The following TENM2 variants were observed in gnomAD, a reference collection of about 807,000 sequenced individuals.
TENM2 encodes teneurin-2.
A neutral mutation model predicts 245.2 loss-of-function variants in TENM2; 52 were observed. The observed-to-expected ratio is 0.21, with a 90% CI of 0.17 to 0.27. The LOEUF (loss-of-function observed/expected upper bound fraction) is 0.27, where lower values mean the gene tolerates loss of function less well. TENM2 is among the 10% of genes least tolerant of loss of function. The pLI is 1.00. For missense variants in TENM2, 3,046 were observed against 3,666.8 expected, an observed-to-expected ratio of 0.83 and a Z score of 4.37; for synonymous variants, 1,363 against 1,438.9, an observed-to-expected ratio of 0.95 and a Z score of 1.19.
chr5:168,065,824 C>G (rs1370527306), intron 7 of TENM2, among the ~76,000 whole-genome samples: 1 of 150,022 alleles, frequency 6.7e-6, no homozygotes, highest in Non-Finnish European at 1.5e-5. Flanking sequence ...AAAAAAGAAC[C>G]TAGAATAATG....
chr5:167,879,660 T>C (rs1334208621), intron 3 of TENM2, among the ~76,000 whole-genome samples: 1 of 152,138 alleles, frequency 6.6e-6, no homozygotes, highest in Non-Finnish European at 1.5e-5. Flanking sequence ...CCTCTACCTG[T>C]GAAACATTGA....
chr5:168,062,513 A>G (rs927163158), intron 7 of TENM2, among the ~76,000 whole-genome samples: 1 of 152,196 alleles, frequency 6.6e-6, no homozygotes, highest in African/African-American at 2.4e-5. Flanking sequence ...GTGATTGAGC[A>G]ATTCCACTTC....
At chr5:168,025,127 A>G (rs75053845) in intron 5 of TENM2, among the ~76,000 whole-genome samples, 9,344 of 152,310 alleles carry the variant, frequency 0.061, 629 homozygotes, top group African/African-American at 0.16. Context: ...GTGTAAATTT[A>G]CCACTTGGGA....
At chr5:167,712,501 A>C (rs768973725) in intron 2 of TENM2, among the ~76,000 whole-genome samples, 1 of 152,242 alleles carries the variant, frequency 6.6e-6, no homozygotes, top group African/African-American at 2.4e-5. Context: ...GTCATTTTAC[A>C]AAATTCCTAT....
intron 3 of TENM2, among the ~76,000 whole-genome samples, chr5:167,941,889 G>T (rs1393401101): frequency 6.7e-6 from 1 of 148,816 alleles, no homozygotes. Flanking sequence ...AAATCACAGG[G>T]TCTGTGTCAC....
intron 5 of TENM2, among the ~76,000 whole-genome samples, chr5:168,015,021 C>T (rs138965832): frequency 6.6e-6 from 1 of 152,312 alleles, no homozygotes; most frequent in African/African-American, 2.4e-5. Context: ...GCTAAACAAG[C>T]CTGTAACTGA....
chr5:167,358,758 A>G (rs952835665), intron 1 of TENM2, among the ~76,000 whole-genome samples: 3 of 150,812 alleles, frequency 2.0e-5, no homozygotes, highest in Non-Finnish European at 4.4e-5. Flanking sequence ...TATATGTCAA[A>G]CACCCAAAGT....
At chr5:167,956,943 T>G (rs2151865056) in intron 4 of TENM2, among the ~76,000 whole-genome samples, 1 of 152,282 alleles carries the variant, frequency 6.6e-6, no homozygotes, top group South Asian at 2.1e-4. Context: ...CTTTTTTTGT[T>G]GTGTCTTTGC....
At chr5:167,052,605 A>T in the TENM2 span, among the ~76,000 whole-genome samples, 2 of 152,172 alleles carry the variant, frequency 1.3e-5, no homozygotes, top group African/African-American at 4.8e-5. Context: ...TCTGTGAGAG[A>T]GCATAAAGTC....
At chr5:167,007,889 G>T in the TENM2 span, among the ~76,000 whole-genome samples, 1 of 152,112 alleles carries the variant, frequency 6.6e-6, no homozygotes, top group Non-Finnish European at 1.5e-5. The surrounding 1 kb of genome is among the most constrained non-coding windows in gnomAD (Gnocchi z 4.2). Context: ...TTGCTTGGGG[G>T]CAGCCTGGAA....
intron 1 of TENM2, among the ~76,000 whole-genome samples, chr5:167,322,060 G>A (rs1756783357): frequency 6.6e-6 from 1 of 151,782 alleles, no homozygotes; most frequent in African/African-American, 2.4e-5. Context: ...TTGAACTCCT[G>A]ACCTCAAGTG....
intron 9 of TENM2, among the ~76,000 whole-genome samples, chr5:168,109,646 A>C (rs1055754184): frequency 3.9e-5 from 6 of 152,242 alleles, no homozygotes; most frequent in Non-Finnish European, 7.3e-5. Flanking sequence ...CCAAATGCTC[A>C]GGCCTCACGC....
intron 2 of TENM2, among the ~76,000 whole-genome samples, chr5:167,408,145 A>G (rs912315609): frequency 6.6e-6 from 1 of 152,160 alleles, no homozygotes; most frequent in African/African-American, 2.4e-5. Flanking sequence ...AAAACCAAAC[A>G]TATCAGAGAC....
At chr5:168,040,095 C>T (rs995072813) in intron 5 of TENM2, among the ~76,000 whole-genome samples, 1 of 152,208 alleles carries the variant, frequency 6.6e-6, no homozygotes, top group African/African-American at 2.4e-5. Context: ...ACACTGCTCC[C>T]TGATCCCAGA....
chr5:167,694,116 C>T (rs1224024268), intron 2 of TENM2, among the ~76,000 whole-genome samples: 1 of 152,212 alleles, frequency 6.6e-6, no homozygotes, highest in Non-Finnish European at 1.5e-5. Context: ...CCTAAATCGA[C>T]ATCTTGCTTG....
the TENM2 span, among the ~76,000 whole-genome samples, chr5:167,217,698 A>G: frequency 6.9e-6 from 1 of 144,144 alleles, no homozygotes; most frequent in Non-Finnish European, 1.5e-5. Context: ...AAATGATAAT[A>G]TATATGTAAT....
intron 7 of TENM2, among the ~76,000 whole-genome samples, chr5:168,088,965 A>T (rs1792695243): frequency 6.6e-6 from 1 of 152,114 alleles, no homozygotes; most frequent in Non-Finnish European, 1.5e-5. Context: ...GAAAGTGGAG[A>T]GATTGCTTAA....
At chr5:167,113,158 A>T in the TENM2 span, among the ~76,000 whole-genome samples, 211 of 152,274 alleles carry the variant, frequency 1.4e-3, 2 homozygotes, top group African/African-American at 4.7e-3. Flanking sequence ...TTGACCAGGG[A>T]CTCAAAATGT....
At chr5:168,248,433 A>T in intron 27 of TENM2, 62 bp downstream of exon 29, 1 of 1,514,240 alleles carries the variant, frequency 6.6e-7, no homozygotes, top group Non-Finnish European at 8.9e-7. Context: ...TGCTGTGGGG[A>T]ACTTGGGAGG....
Sources: allele counts gnomAD v4.1 joint callset (sites outside exome capture counted in the v4.1 genomes callset), GRCh38; gene constraint gnomAD v4.1.1; non-coding constraint Gnocchi (gnomAD v3.1); transcripts MANE v1.5; gene names NCBI Gene and HGNC (gene_info 2026-07-23, HGNC 2026-07-21).